Variants in NFATC2 observed in about 807,000 individuals in gnomAD.
NFATC2 encodes nuclear factor of activated T cells 2.
NFATC2 carries 22 observed loss-of-function variants against 87.3 expected under a neutral mutation model. The ratio of observed to expected loss-of-function variants is 0.25; its 90% confidence interval spans 0.18 to 0.36. The LOEUF (loss-of-function observed/expected upper bound fraction) is 0.36, where lower values mean the gene tolerates loss of function less well. Among genes scored for constraint, NFATC2 ranks in the 10% least tolerant of loss-of-function variants. The probability of loss-of-function intolerance (pLI) is 1.00; values close to 1 mark genes in which losing one functional copy is unlikely to be tolerated. For missense variants in NFATC2, 1,149 were observed against 1,259.1 expected, an observed-to-expected ratio of 0.91 and a Z score of 1.32; for synonymous variants, 565 against 542.2, an observed-to-expected ratio of 1.04 and a Z score of -0.58.
chr20:51,458,347 C>A lies in NFATC2; in HGVS notation c.1709-3659G>T, dbSNP rs574839347. Among the ~76,000 whole-genome samples, 32 of 152,174 alleles carry A rather than the reference C, an allele frequency of 2.1e-4. No individual in the cohort carries two copies. In the South Asian group the frequency reaches 4.4e-3, roughly 21 times the overall value. ...TATCAGATGCCAGGAGCACCCTACC[C>A]CCCAGCTGTGACAACCAAGATTGTC... On this transcript the variant is annotated intron_variant, in intron 5 of 10. Transcript: ENST00000371564.
rs751000174 is a variant in NFATC2 at position 51,432,458 on chromosome 20, A to T, written c.2331T>A (p.Leu777=). The stretch of plus-strand genomic sequence containing the variant: ...CCAGCACAGAGCGGTGAGCGTCCGC[A>T]AGGGACAGCGGGGCGGCCATGAGGG... ...QPALMAAPLS[L]ADAHRSVLVH... is the part of the protein sequence containing the mutation. The change falls in exon 9 of 11, where the codon CTT becomes CTA. Residue 777 remains leucine (L), a synonymous_variant. Transcript: ENST00000371564. This position sits in a 1 kb window ranked among gnomAD's most constrained non-coding sequence, Gnocchi z 4.6. The T allele has an allele frequency of 1.3e-6, 2 of 1,565,616 alleles. No individual in the cohort carries two copies. The highest frequency in any genetic ancestry group is 2.7e-5 in the African/African-American group (2 of 74,026).
intron 6 of NFATC2, among the ~76,000 whole-genome samples, chr20:51,445,984 A>C (rs1348448834): frequency 6.6e-6 from 1 of 152,126 alleles, no homozygotes; most frequent in East Asian, 1.9e-4. Flanking sequence ...ATCCCCACAC[A>C]TTTCAGACAG....
At chr20:51,462,573 G>A (rs1039227844) in intron 5 of NFATC2, among the ~76,000 whole-genome samples, 7 of 151,984 alleles carry the variant, frequency 4.6e-5, no homozygotes, top group Admixed American at 1.3e-4. Flanking sequence ...GGGTTCACAC[G>A]TAAAAGTAAC....
intron 1 of NFATC2, among the ~76,000 whole-genome samples, chr20:51,559,900 C>T (rs571065373): frequency 6.6e-6 from 1 of 152,272 alleles, no homozygotes; most frequent in Non-Finnish European, 1.5e-5. Flanking sequence ...CTTGACAATC[C>T]GATGAAGTTG....
At chr20:51,393,636 G>A (rs559229322) in intron 10 of NFATC2, among the ~76,000 whole-genome samples, 5 of 152,190 alleles carry the variant, frequency 3.3e-5, no homozygotes, top group Admixed American at 2.6e-4. Flanking sequence ...CCCTGCAGGG[G>A]TGATAAGCTG....
chr20:51,467,484 G>A (rs1336395365), intron 5 of NFATC2, among the ~76,000 whole-genome samples: 6 of 152,166 alleles, frequency 3.9e-5, no homozygotes, highest in Admixed American at 3.9e-4. Flanking sequence ...TTGAAGCTGG[G>A]AGGCAGAGGT....
chr20:51,487,810 G>GAAAA (rs11303169), intron 3 of NFATC2, among the ~76,000 whole-genome samples: 1 of 146,520 alleles, frequency 6.8e-6, no homozygotes, highest in African/African-American at 2.5e-5. Context: ...CCACAAGGGG[G>GAAAA]AAAAAAAAAA....
intron 6 of NFATC2, among the ~76,000 whole-genome samples, chr20:51,448,694 G>A (rs1444154004): frequency 3.3e-5 from 5 of 152,130 alleles, no homozygotes; most frequent in Non-Finnish European, 5.9e-5. Flanking sequence ...AACATTCTAA[G>A]AGCAAACGGA....
intron 6 of NFATC2, among the ~76,000 whole-genome samples, chr20:51,449,688 G>C (rs867653248): frequency 1.3e-5 from 2 of 152,164 alleles, no homozygotes; most frequent in African/African-American, 4.8e-5. Flanking sequence ...GTGGGGTCTA[G>C]AGCCAGGCTG....
rs532368551 is a variant in NFATC2, at chr20:51,425,950, G to A, written c.2722+6117C>T. 2.6e-5 allele frequency among the ~76,000 whole-genome samples: 4 copies of A among 152,208 alleles called. No homozygotes were observed. The South Asian group carries it at 8.3e-4, about 32-fold the overall frequency. ...CTCACTGGAGTTCTCAGCAGCCCCC[G>A]GCGAGGACATCATCTCCCTCATGCA... On this transcript the variant is annotated intron_variant, in intron 9 of 10. Transcript: ENST00000371564.
intron 9 of NFATC2, among the ~76,000 whole-genome samples, chr20:51,410,615 A>G (rs1979081585): frequency 6.6e-6 from 1 of 152,058 alleles, no homozygotes; most frequent in African/African-American, 2.4e-5. Context: ...AGGGAGGAAG[A>G]GAGGGAAGGA....
At chr20:51,424,135 G>A (rs996348363) in intron 9 of NFATC2, among the ~76,000 whole-genome samples, 8 of 152,202 alleles carry the variant, frequency 5.3e-5, no homozygotes, top group African/African-American at 9.7e-5. Flanking sequence ...GACAGAGAAC[G>A]GCTACCAGCT....
chr20:51,533,245 C>T (rs938446735), intron 1 of NFATC2, among the ~76,000 whole-genome samples: 2 of 152,202 alleles, frequency 1.3e-5, no homozygotes, highest in Admixed American at 6.5e-5. Flanking sequence ...ATTCTTCATC[C>T]GGCAGGTGTG....
intron 3 of NFATC2, among the ~76,000 whole-genome samples, chr20:51,489,013 A>C (rs1004393082): frequency 6.6e-6 from 1 of 152,088 alleles, no homozygotes; most frequent in Non-Finnish European, 1.5e-5. Flanking sequence ...ACATGGCGAA[A>C]CCCCCGTCTC....
intron 9 of NFATC2, among the ~76,000 whole-genome samples, chr20:51,403,273 C>G (rs944093076): frequency 6.6e-6 from 1 of 152,254 alleles, no homozygotes; most frequent in Non-Finnish European, 1.5e-5. Context: ...TTCTCAAGAT[C>G]TGAGTAGGGA....
chr20:51,541,627 A>G (rs1408927966), intron 1 of NFATC2, among the ~76,000 whole-genome samples: 1 of 152,154 alleles, frequency 6.6e-6, no homozygotes, highest in Non-Finnish European at 1.5e-5. Flanking sequence ...GCTGCCCCTC[A>G]CCCTACCCCA....
chr20:51,444,519 G>A (rs936329251), intron 6 of NFATC2, among the ~76,000 whole-genome samples: 1 of 152,046 alleles, frequency 6.6e-6, no homozygotes, highest in African/African-American at 2.4e-5. Flanking sequence ...CAGTCAGCCT[G>A]GAGGAGCTGC....
chr20:51,540,647 G>GT (rs375172598), intron 1 of NFATC2, among the ~76,000 whole-genome samples: 29,260 of 111,372 alleles, frequency 0.26, 5,955 homozygotes, highest in Non-Finnish European at 0.36. Flanking sequence ...AAAAACTGAA[G>GT]TTTTTTTTTT....
At chr20:51,555,316 G>A (rs375673123) in intron 1 of NFATC2, among the ~76,000 whole-genome samples, 3 of 152,094 alleles carry the variant, frequency 2.0e-5, no homozygotes, top group Non-Finnish European at 2.9e-5. Flanking sequence ...TATGTGGGCC[G>A]GGTGCGGTGG....
Sources: gnomAD v4.1 joint callset for allele counts (sites outside exome capture counted in the v4.1 genomes callset) on GRCh38, gnomAD v4.1.1 for gene constraint, Gnocchi (gnomAD v3.1) non-coding constraint, MANE v1.5 for transcripts, NCBI Gene and HGNC (gene_info 2026-07-23, HGNC 2026-07-21) for gene names.